The following HPR variants were observed in gnomAD, a reference collection of about 807,000 sequenced individuals.
HPR encodes haptoglobin-related protein.
HPR carries 17 observed loss-of-function variants against 18.5 expected under a neutral mutation model. The ratio of observed to expected loss-of-function variants is 0.92; its 90% CI spans 0.63 to 1.38. The LOEUF (loss-of-function observed/expected upper bound fraction) is 1.38, where lower values mean the gene tolerates loss of function less well. Ranked by LOEUF, HPR falls within the 40% of genes most tolerant of loss-of-function variation. The pLI, the probability that HPR is intolerant of heterozygous loss-of-function variation, is 0.00. For missense variants in HPR, 457 were observed against 432.4 expected, an observed-to-expected ratio of 1.06 and a Z score of -0.51; for synonymous variants, 176 against 165.0, an observed-to-expected ratio of 1.07 and a Z score of -0.51.
intron 3 of HPR, 88 bp downstream of exon 3, chr16:72,074,473 A>T: frequency 8.4e-7 from 1 of 1,183,952 alleles, no homozygotes; most frequent in Non-Finnish European, 1.3e-6. Context: ...GATTTGCCAG[A>T]AAGTTCGTTG....
chr16:72,076,169 G>A (rs2041720298), intron 4 of HPR, 134 bp from the exon 5 acceptor site: 3 of 1,494,378 alleles, frequency 2.0e-6, no homozygotes, highest in South Asian at 2.6e-5. Flanking sequence ...AATGAGATCA[G>A]CAGGTGGTAA....
chr16:72,068,914 G>C (rs6499558), intron 1 of HPR, among the ~76,000 whole-genome samples: 26,746 of 151,536 alleles, frequency 0.18, 2,661 homozygotes, highest in South Asian at 0.19. Context: ...AGATTTAATT[G>C]ACTACCAAAC....
chr16:72,076,958 G>C lies in HPR; in HGVS notation c.924G>C (p.Glu308Asp). The change falls in exon 5 of 5, where the codon GAG (glutamate) becomes GAC (aspartate). Residue 308 changes from glutamate (E) to aspartate (D), a missense_variant. Glu to Asp is a conservative substitution (Grantham distance 45, BLOSUM62 2). Coordinates refer to ENST00000540303, the MANE Select transcript of HPR (RefSeq NM_020995.4). Reference sequence around the variant, plus strand: ...CCTTTGCCGTTCACGACCTGGAGGAGGACACCTGGTACGCGGCTGGGATCC... The same window carrying C: ...CCTTTGCCGTTCACGACCTGGAGGACGACACCTGGTACGCGGCTGGGATCC... ...GSAFAVHDLEEDTWYAAGILS... is the reference protein window; with the variant it reads ...GSAFAVHDLEDDTWYAAGILS... 3.7e-6 allele frequency: 6 copies of C among 1,614,194 alleles called. No homozygotes were observed. Among genetic ancestry groups the C allele is most frequent in the Non-Finnish European group, 5.1e-6 (6 of 1,180,042 alleles).
At chr16:72,064,566 T>C (rs1325695273) in intron 1 of HPR, among the ~76,000 whole-genome samples, 11 of 152,324 alleles carry the variant, frequency 7.2e-5, no homozygotes, top group South Asian at 4.1e-4. Context: ...GATTGTGCAG[T>C]CCAACTCCAG....
intron 1 of HPR, among the ~76,000 whole-genome samples, chr16:72,072,014 A>ATT (rs577342872): frequency 1.4e-5 from 2 of 147,288 alleles, no homozygotes; most frequent in African/African-American, 4.9e-5. Flanking sequence ...ACCAATGATG[A>ATT]TTTTTTTTTT....
At chr16:72,064,767 T>C (rs565165103) in intron 1 of HPR, among the ~76,000 whole-genome samples, 3 of 152,188 alleles carry the variant, frequency 2.0e-5, no homozygotes, top group Non-Finnish European at 4.4e-5. Context: ...CACCGAGCAT[T>C]TGTTTCCAAC....
Position 72,075,961 on chromosome 16 carries a change from C to T in HPR, c.269-342C>T, listed in dbSNP as rs189024417. ...AAGTGCTGGGATTACAGGCGTGAGC[C>T]ACCGCATCTGGCCCCTAGCCCTTTC... On this transcript the variant is annotated intron_variant, in intron 4 of 4. Transcript: ENST00000540303. 3.0e-3 allele frequency among the ~76,000 whole-genome samples: 452 copies of T among 152,072 alleles called. 1 individual carries two copies. The highest frequency in any genetic ancestry group is 0.013 in the South Asian group (64 of 4,822).
At chr16:72,076,262 T>C (rs753678206) in intron 4 of HPR, 41 bp from the exon 5 acceptor site, 2 of 1,603,588 alleles carry the variant, frequency 1.2e-6, no homozygotes, top group Admixed American at 3.4e-5. Flanking sequence ...GGAAAGGCTC[T>C]TGCACATTTC....
chr16:72,075,231 G>A lies in HPR; in HGVS notation c.268+12G>A. The A allele has an allele frequency of 2.1e-6, 3 of 1,401,792 alleles. No individual in the cohort carries two copies. The highest frequency in any genetic ancestry group is 3.0e-6 in the Non-Finnish European group (3 of 1,016,060). 86.8% of individuals were successfully genotyped at this position (1,401,792 alleles called of 1,614,324 possible). A position where few individuals can be genotyped will look rare whatever the true frequency, so the allele number is the denominator to read the frequency against. On this transcript the variant is annotated intron_variant, in intron 4 of 4. Coordinates refer to ENST00000540303, the MANE Select transcript of HPR (RefSeq NM_020995.4). ...TGAATGTGAAGCAGGTGGGTGCTGAGCACTGAGCACTTAAGAGAGCAGGCA... is the reference window on the plus strand; with the variant it reads ...TGAATGTGAAGCAGGTGGGTGCTGAACACTGAGCACTTAAGAGAGCAGGCA...
At chr16:72,064,029 C>T (rs113021786) in intron 1 of HPR, among the ~76,000 whole-genome samples, 24 of 152,228 alleles carry the variant, frequency 1.6e-4, no homozygotes, top group South Asian at 4.1e-4. Flanking sequence ...TGTGAGCCAC[C>T]GCACCCTGCC....
chr16:72,069,821 T>A (rs2041636662), intron 1 of HPR, among the ~76,000 whole-genome samples: 1 of 152,180 alleles, frequency 6.6e-6, no homozygotes, highest in African/African-American at 2.4e-5. Flanking sequence ...CCCCAATTGG[T>A]CATTTAAAAT....
At chr16:72,063,471 T>C (rs1180887570) in intron 1 of HPR, among the ~76,000 whole-genome samples, 6 of 152,156 alleles carry the variant, frequency 3.9e-5, no homozygotes, top group Non-Finnish European at 8.8e-5. Flanking sequence ...AGATTTACTC[T>C]CAGGAGTGTC....
intron 1 of HPR, among the ~76,000 whole-genome samples, chr16:72,071,845 C>T (rs2041659271): frequency 6.6e-6 from 1 of 152,184 alleles, no homozygotes; most frequent in African/African-American, 2.4e-5. Flanking sequence ...CCTCATGGGT[C>T]TGTTGACTCC....
At chr16:72,064,842 G>T (rs2041581028) in intron 1 of HPR, among the ~76,000 whole-genome samples, 1 of 152,172 alleles carries the variant, frequency 6.6e-6, no homozygotes, top group Admixed American at 6.5e-5. Flanking sequence ...CACCTCTTGT[G>T]AGGAGACACA....
chr16:72,073,958 T>C lies in HPR; in HGVS notation c.72T>C (p.Asn24=), dbSNP rs761067216. 4 of 1,613,958 alleles carry C rather than the reference T, an allele frequency of 2.5e-6. No individual in the cohort carries two copies. Among genetic ancestry groups the C allele is most frequent in the Non-Finnish European group, 3.4e-6 (4 of 1,180,010 alleles). ...AGCTTTTTGCACTGTACTCAGGCAA[T>C]GATGTCACGGATATTTCAGGTCAGT... is the stretch of plus-strand genomic sequence containing the variant. ...GRQLFALYSG[N]DVTDISDDRF... The change falls in exon 2 of 5, where the codon AAT becomes AAC. Residue 24 remains asparagine, a synonymous_variant. Coordinates refer to ENST00000540303, the MANE Select transcript of HPR (RefSeq NM_020995.4).
rs1301125105 is a variant in HPR at position 72,075,176 on chromosome 16, G to C, written c.225G>C (p.Trp75Cys). 4 of 1,450,478 alleles carry C rather than the reference G, an allele frequency of 2.8e-6. No individual in the cohort carries two copies. The highest frequency in any genetic ancestry group is 2.9e-6 in the Non-Finnish European group (3 of 1,050,634). The allele number at this position is 1,450,478 out of a possible 1,614,324, so 89.9% of individuals were successfully genotyped here. The change falls in exon 4 of 5, where the codon TGG (tryptophan) becomes TGC (cysteine). Residue 75 changes from tryptophan to cysteine, a missense_variant. Transcript: ENST00000540303. The stretch of plus-strand genomic sequence containing the variant: ...ACACCTTAAATGATAAGAAGCAGTG[G>C]ATAAATAAGGCTGTTGGAGATAAAC... Reference protein sequence around the residue: ...GVYTLNDKKQWINKAVGDKLP... With the variant: ...GVYTLNDKKQCINKAVGDKLP...
At chr16:72,071,887 G>A (rs1270997502) in intron 1 of HPR, among the ~76,000 whole-genome samples, 3 of 152,210 alleles carry the variant, frequency 2.0e-5, no homozygotes, top group South Asian at 2.1e-4. Context: ...GGAGTCCAAC[G>A]AGGAGTGCCA....
chr16:72,068,072 T>A (rs1033651494), intron 1 of HPR, among the ~76,000 whole-genome samples: 1 of 152,166 alleles, frequency 6.6e-6, no homozygotes, highest in Non-Finnish European at 1.5e-5. Context: ...CCAACCTTTT[T>A]GGTCAAATTT....
chr16:72,073,007 T>G lies in HPR; in HGVS notation c.6-885T>G, dbSNP rs11075919. ...CAACCTTCCCGCCAGTCGTTATCTA[T>G]AGAGCCCACATTCCACATCTGCTAC... On this transcript the variant is annotated intron_variant, in intron 1 of 4. Coordinates refer to ENST00000540303, the MANE Select transcript of HPR (RefSeq NM_020995.4). Among the ~76,000 whole-genome samples the G allele has an allele frequency of 1.5e-3, 232 of 151,736 alleles. 1 individual carries two copies. The highest frequency in any genetic ancestry group is 6.8e-3 in the Middle Eastern group (2 of 294).
Sources: allele counts gnomAD v4.1 joint callset (sites outside exome capture counted in the v4.1 genomes callset), GRCh38; gene constraint gnomAD v4.1.1; transcripts MANE v1.5; gene names NCBI Gene and HGNC (gene_info 2026-07-23, HGNC 2026-07-21).